The following RB1 variants were observed in gnomAD, a reference collection of about 807,000 sequenced individuals.
RB1 encodes RB transcriptional corepressor 1, also known as retinoblastoma-associated protein.
A neutral mutation model predicts 135.4 loss-of-function variants in RB1; 18 were observed. The observed-to-expected ratio is 0.13, with a 90% CI of 0.09 to 0.20. The LOEUF is 0.20. Among genes scored for constraint, RB1 ranks in the 10% least tolerant of loss-of-function variants. RB1 has a pLI of 1.00. For synonymous variants in RB1, 365 were observed against 373.2 expected (o/e 0.98, Z 0.25); for missense variants, 868 against 1,110.0 (o/e 0.78, Z 3.10).
At chr13:48,368,800 G>GT (rs1952730137) in intron 11 of RB1, among the ~76,000 whole-genome samples, 196 bp downstream of exon 11, 1 of 152,164 alleles carries the variant, frequency 6.6e-6, no homozygotes, top group Admixed American at 6.5e-5. Flanking sequence ...GAGGTTAGGA[G>GT]TTTGAGACCG....
chr13:48,399,799 C>T (rs936346447), intron 17 of RB1, among the ~76,000 whole-genome samples: 4 of 151,908 alleles, frequency 2.6e-5, no homozygotes, highest in African/African-American at 9.7e-5. Flanking sequence ...ACTTGTAGTA[C>T]CTGAGTCCTA....
intron 2 of RB1, chr13:48,328,057 C>T: frequency 1.3e-6 from 1 of 781,486 alleles, no homozygotes; most frequent in South Asian, 1.5e-5. Flanking sequence ...TACCCACCCA[C>T]ACCCCAATTT....
At chr13:48,449,616 G>A (rs1374082494) in intron 17 of RB1, among the ~76,000 whole-genome samples, 1 of 152,050 alleles carries the variant, frequency 6.6e-6, no homozygotes, top group Non-Finnish European at 1.5e-5. Flanking sequence ...CAGAAAATTA[G>A]CTGGGCACCA....
In RB1 at chr13:48,319,533, G is replaced by T; in HGVS notation, c.264+12127G>T. ...AGGGCTGCAGGGGGCTGCTGGCTTC[G>T]GGCTGCCCTTGTTCTCCTGCTTGGT... On this transcript the variant is annotated intron_variant, in intron 2 of 26. Coordinates refer to ENST00000267163, the MANE Select transcript of RB1 (RefSeq NM_000321.3). This position sits in a 1 kb window ranked among gnomAD's most constrained non-coding sequence, Gnocchi z 5.0. The T allele has an allele frequency of 3.8e-6, 1 of 264,848 alleles. No homozygotes were observed. 16.4% of individuals were successfully genotyped at this position (264,848 alleles called of 1,614,324 possible). A position where few individuals can be genotyped will look rare whatever the true frequency, so the allele number is the denominator to read the frequency against.
chr13:48,332,881 T>C (rs1952349675), intron 2 of RB1: 1 of 394,422 alleles, frequency 2.5e-6, no homozygotes, highest in African/African-American at 2.1e-5. Context: ...ATCCTGTACA[T>C]ATATACCTGC....
At chr13:48,430,230 A>G (rs1323798206) in intron 17 of RB1, among the ~76,000 whole-genome samples, 2 of 152,230 alleles carry the variant, frequency 1.3e-5, no homozygotes, top group African/African-American at 4.8e-5. Context: ...AATTTAATGT[A>G]TGATAATTTA....
intron 17 of RB1, among the ~76,000 whole-genome samples, chr13:48,434,378 A>T (rs1365799243): frequency 6.6e-6 from 1 of 152,172 alleles, no homozygotes; most frequent in African/African-American, 2.4e-5. Context: ...TAACAGATAG[A>T]TTATTTCAAT....
Position 48,379,657 on chromosome 13 carries a change from TAAA to T in RB1, c.1389+10_1389+12del. On this transcript the variant is annotated splice_region_variant and intron_variant, in intron 14 of 26. Transcript: ENST00000267163. ...GGAATCCATGCTTAAATCAGTAAGT[TAAA>T]AACAATATAAAAAAATTTCAGCCGG... is the stretch of plus-strand genomic sequence containing the variant. The T allele has an allele frequency of 6.2e-7, 1 of 1,610,256 alleles. No individual in the cohort carries two copies. Among genetic ancestry groups the T allele is most frequent in the South Asian group, 1.1e-5 (1 of 90,714 alleles).
Position 48,360,017 on chromosome 13 carries a change from G to A in RB1, c.608G>A (p.Gly203Glu), listed in dbSNP as rs2138107541. 1 of 1,609,966 alleles carries A rather than the reference G, an allele frequency of 6.2e-7. No individual in the cohort carries two copies. The highest frequency in any genetic ancestry group is 8.5e-7 in the Non-Finnish European group (1 of 1,178,408). Residue 203 changes from glycine (G) to glutamate (E), a missense_variant and splice_region_variant, in exon 7 of 27, where the codon GGG (glycine) becomes GAG (glutamate). By Grantham distance (98) the Gly-to-Glu change is moderately conservative. Transcript: ENST00000267163. ...VSWITFLLAK[G>E]EVLQMEDDLV... is the part of the protein sequence containing the mutation. ...TTAAAAATGTACATTTTTTTTTCAG[G>A]GGAAGTATTACAAATGGAAGATGAT...
chr13:48,457,680 C>T (rs1430304569), intron 19 of RB1, among the ~76,000 whole-genome samples: 2 of 152,212 alleles, frequency 1.3e-5, no homozygotes, highest in Non-Finnish European at 2.9e-5. Context: ...GCCCCCGCCT[C>T]GGCTTCCCCC....
intron 4 of RB1, among the ~76,000 whole-genome samples, chr13:48,347,397 C>G (rs1952507871): frequency 6.6e-6 from 1 of 152,094 alleles, no homozygotes; most frequent in Non-Finnish European, 1.5e-5. Context: ...TGGTAGTAAT[C>G]TTGGGCTTTG....
intron 5 of RB1, 51 bp downstream of exon 5, chr13:48,347,914 G>A (rs1952512648): frequency 7.3e-7 from 1 of 1,372,580 alleles, no homozygotes; most frequent in South Asian, 1.2e-5. Context: ...AGATTTTTAT[G>A]GAATAATCTC....
intron 7 of RB1, 29 bp downstream of exon 7, chr13:48,360,156 T>A (rs2138108183): frequency 3.1e-6 from 5 of 1,610,764 alleles, no homozygotes; most frequent in Non-Finnish European, 4.2e-6. Context: ...CCCCTTTTAC[T>A]TTCTCATTCA....
chr13:48,372,554 G>A (rs796160084), intron 11 of RB1, among the ~76,000 whole-genome samples: 4 of 152,086 alleles, frequency 2.6e-5, no homozygotes, highest in African/African-American at 9.6e-5. Flanking sequence ...AGGAGGCTGA[G>A]GCAGGAGAAT....
rs879087162 is a variant in RB1 at position 48,463,047 on chromosome 13, G to A, written c.2107-684G>A. Among the ~76,000 whole-genome samples the A allele has an allele frequency of 2.6e-5, 4 of 152,296 alleles. No homozygotes were observed. The East Asian group carries it at 7.7e-4, about 29-fold the overall frequency. On this transcript the variant is annotated intron_variant, in intron 20 of 26. Transcript: ENST00000267163. ...GGCAATAGTAGGTAAGAGCAAGAAT[G>A]TTGCAGAAGCAATGAGTACTTAAAT... is the stretch of plus-strand genomic sequence containing the variant.
chr13:48,339,437 T>A (rs1952420891), intron 2 of RB1, among the ~76,000 whole-genome samples: 1 of 152,206 alleles, frequency 6.6e-6, no homozygotes, highest in African/African-American at 2.4e-5. Context: ...GTGCTAGCAA[T>A]GAGCGAGGCT....
At chr13:48,449,111 T>C (rs1949309634) in intron 17 of RB1, among the ~76,000 whole-genome samples, 1 of 151,100 alleles carries the variant, frequency 6.6e-6, no homozygotes. Context: ...TAATCGCCGT[T>C]TTTTTTTCTT....
At position 48,342,726 on chromosome 13, in the gene RB1, T is replaced by C. The variant is rs3092881; in HGVS notation, c.380+12T>C. The C allele has an allele frequency of 1.9e-3, 2,898 of 1,533,144 alleles. 51 individuals are homozygous for C. The African/African-American group carries it at 0.035, about 18-fold the overall frequency. The allele number at this position is 1,533,144 out of a possible 1,614,324, so 95.0% of individuals were successfully genotyped here. Reference sequence around the variant, plus strand: ...AACATAGAAATCAGGTAAAGTTTCTTGTATAAATATAAGCCTCTGCCATAA... The same window carrying C: ...AACATAGAAATCAGGTAAAGTTTCTCGTATAAATATAAGCCTCTGCCATAA... On this transcript the variant is annotated intron_variant, in intron 3 of 26. Coordinates refer to ENST00000267163, the MANE Select transcript of RB1 (RefSeq NM_000321.3).
intron 2 of RB1, among the ~76,000 whole-genome samples, chr13:48,336,909 A>G (rs2138075785): frequency 6.6e-6 from 1 of 152,278 alleles, no homozygotes; most frequent in East Asian, 1.9e-4. Context: ...TTCAAAGAAC[A>G]TCTTTATTTC....
Sources: allele counts gnomAD v4.1 joint callset (sites outside exome capture counted in the v4.1 genomes callset), GRCh38; gene constraint gnomAD v4.1.1; non-coding constraint Gnocchi (gnomAD v3.1); transcripts MANE v1.5; gene names NCBI Gene and HGNC (gene_info 2026-07-23, HGNC 2026-07-21).